The following CNTN4 variants were observed in gnomAD, a reference collection of about 807,000 sequenced individuals.
CNTN4 encodes contactin-4.
In CNTN4, 77 loss-of-function variants were observed where a neutral mutation model predicts 122.5. That is an observed-to-expected ratio of 0.63 (90% CI 0.52 to 0.76). The LOEUF (loss-of-function observed/expected upper bound fraction) is 0.76, where lower values mean the gene tolerates loss of function less well. Among genes scored for constraint, CNTN4 ranks in the 30% least tolerant of loss-of-function variants. The pLI, the probability that CNTN4 is intolerant of heterozygous loss-of-function variation, is 0.00. For missense variants in CNTN4, 1,256 were observed against 1,259.1 expected, an observed-to-expected ratio of 1.00 and a Z score of 0.04; for synonymous variants, 512 against 447.0, an observed-to-expected ratio of 1.15 and a Z score of -1.83.
intron 3 of CNTN4, among the ~76,000 whole-genome samples, chr3:2,437,239 T>C (rs2048288343): frequency 6.6e-6 from 1 of 152,156 alleles, no homozygotes; most frequent in African/African-American, 2.4e-5. Flanking sequence ...ATTAAGTCTG[T>C]TTAGTTGACA....
chr3:2,741,305 C>T lies in CNTN4; in HGVS notation c.183-4217C>T, dbSNP rs147640177. On this transcript the variant is annotated intron_variant, in intron 5 of 24. Transcript: ENST00000418658. ...GGAAAGAAAGTCTAATTCAGGATGG[C>T]GAAGGTAGATGTCACTGAAGTCTTC... Among the ~76,000 whole-genome samples, 801 of 152,114 alleles carry T rather than the reference C, an allele frequency of 5.3e-3. 3 individuals carry two copies. The highest frequency in any genetic ancestry group is 8.7e-3 in the Non-Finnish European group (591 of 67,992).
intron 23 of CNTN4, among the ~76,000 whole-genome samples, chr3:3,044,794 G>A (rs538506464): frequency 7.3e-4 from 111 of 152,356 alleles, no homozygotes; most frequent in Non-Finnish European, 1.3e-3. Context: ...CCGAGCATAA[G>A]CTGAAGCAGG....
At chr3:2,983,030 C>G (rs554924149) in intron 13 of CNTN4, among the ~76,000 whole-genome samples, 1 of 151,232 alleles carries the variant, frequency 6.6e-6, no homozygotes, top group African/African-American at 2.4e-5. Flanking sequence ...CTGGCGAACA[C>G]GGTGAAAACC....
chr3:2,664,124 A>G (rs1400042887), intron 4 of CNTN4, among the ~76,000 whole-genome samples: 1 of 152,148 alleles, frequency 6.6e-6, no homozygotes, highest in Non-Finnish European at 1.5e-5. Context: ...TGTACTTAAA[A>G]CTATTGAATT....
intron 2 of CNTN4, among the ~76,000 whole-genome samples, chr3:2,121,285 G>A (rs1281675172): frequency 6.6e-6 from 1 of 152,088 alleles, no homozygotes; most frequent in African/African-American, 2.4e-5. Flanking sequence ...AGATCACGAG[G>A]TCAGAAGTTT....
chr3:2,149,327 T>C (rs2035392596), intron 2 of CNTN4, among the ~76,000 whole-genome samples: 2 of 152,204 alleles, frequency 1.3e-5, no homozygotes, highest in South Asian at 4.1e-4. Flanking sequence ...TCTGTTTTCA[T>C]GCGGAGCACA....
chr3:2,964,437 C>G (rs1692093177), intron 13 of CNTN4, among the ~76,000 whole-genome samples: 2 of 152,170 alleles, frequency 1.3e-5, no homozygotes, highest in African/African-American at 2.4e-5. Context: ...ATTCATTGAT[C>G]TCTAAAATTG....
intron 2 of CNTN4, among the ~76,000 whole-genome samples, chr3:2,293,198 C>T (rs2042194617): frequency 6.6e-6 from 1 of 152,284 alleles, no homozygotes; most frequent in Admixed American, 6.5e-5. Flanking sequence ...ATTTTTCAAA[C>T]ATATTTTTGT....
chr3:2,879,943 GGGCTAGAGA>G, intron 8 of CNTN4, among the ~76,000 whole-genome samples: 2 of 152,248 alleles, frequency 1.3e-5, no homozygotes, highest in South Asian at 4.1e-4. Context: ...AGACCATTGT[GGGCTAGAGA>G]GTAGGGCCTA....
At chr3:2,871,471 A>G in intron 8 of CNTN4, among the ~76,000 whole-genome samples, 1 of 152,150 alleles carries the variant, frequency 6.6e-6, no homozygotes, top group East Asian at 1.9e-4. Context: ...TTTAACTTTT[A>G]GTGGTAAATT....
At chr3:2,646,836 T>C (rs1451438478) in intron 4 of CNTN4, among the ~76,000 whole-genome samples, 1 of 152,168 alleles carries the variant, frequency 6.6e-6, no homozygotes. Flanking sequence ...CCTCTTCTTA[T>C]AAGGACAGCA....
At chr3:2,820,977 T>TTTTTTTTTTTTTTTTTTTTTC (rs2092855136) in intron 7 of CNTN4, among the ~76,000 whole-genome samples, 1 of 149,110 alleles carries the variant, frequency 6.7e-6, no homozygotes, top group African/African-American at 2.5e-5. Flanking sequence ...TTTTTTTTTT[T>TTTTTTTTTTTTTTTTTTTTTC]TTGAGACAGA....
At chr3:2,983,741 T>G (rs901998192) in intron 13 of CNTN4, among the ~76,000 whole-genome samples, 1 of 152,228 alleles carries the variant, frequency 6.6e-6, no homozygotes, top group Non-Finnish European at 1.5e-5. Context: ...GCCTAGACAG[T>G]TTAGTTCCAG....
intron 4 of CNTN4, among the ~76,000 whole-genome samples, chr3:2,691,263 C>T (rs770374533): frequency 6.6e-6 from 1 of 152,044 alleles, no homozygotes; most frequent in African/African-American, 2.4e-5. Flanking sequence ...TATTATAAAC[C>T]ACCTTACCTA....
intron 3 of CNTN4, among the ~76,000 whole-genome samples, chr3:2,461,288 T>C (rs1229951283): frequency 6.6e-6 from 1 of 152,222 alleles, no homozygotes; most frequent in East Asian, 1.9e-4. Context: ...AGCTACTAAC[T>C]GTTTTCACTC....
chr3:2,769,874 G>C lies in CNTN4; in HGVS notation c.358+24177G>C, dbSNP rs140693666. 1.2e-3 allele frequency among the ~76,000 whole-genome samples: 185 copies of C among 152,292 alleles called. 1 individual carries two copies. The highest frequency in any genetic ancestry group is 4.3e-3 in the African/African-American group (177 of 41,576). Reference sequence around the variant, plus strand: ...CAGCAAGACAGGCTAACTATCTTCAGGAATCAATGCCAGCCTCTTATGGCA... The same window carrying C: ...CAGCAAGACAGGCTAACTATCTTCACGAATCAATGCCAGCCTCTTATGGCA... On this transcript the variant is annotated intron_variant, in intron 6 of 24. Coordinates refer to ENST00000418658, the MANE Select transcript of CNTN4 (RefSeq NM_175607.3).
chr3:2,125,330 C>CTGTGTGTGTGTGTGTGTGTGTGTG (rs397721422), intron 2 of CNTN4, among the ~76,000 whole-genome samples: 1 of 143,364 alleles, frequency 7.0e-6, no homozygotes. Flanking sequence ...ATTCTATTCT[C>CTGTGTGTGTGTGTGTGTGTGTGTG]TGTGTGTGTG....
At chr3:2,516,578 C>T (rs2077045245) in intron 3 of CNTN4, among the ~76,000 whole-genome samples, 1 of 152,090 alleles carries the variant, frequency 6.6e-6, no homozygotes, top group African/African-American at 2.4e-5. Context: ...GTAAATTGGA[C>T]ATAGACATGA....
At chr3:2,376,804 C>A (rs989702992) in intron 3 of CNTN4, among the ~76,000 whole-genome samples, 1 of 151,920 alleles carries the variant, frequency 6.6e-6, no homozygotes, top group African/African-American at 2.4e-5. Flanking sequence ...GACTCATTAT[C>A]TGTCAATGCT....
Sources: gnomAD v4.1 joint callset for allele counts (sites outside exome capture counted in the v4.1 genomes callset) on GRCh38, gnomAD v4.1.1 for gene constraint, MANE v1.5 for transcripts, NCBI Gene and HGNC (gene_info 2026-07-23, HGNC 2026-07-21) for gene names.